Variants in SLC9A9 observed in about 807,000 individuals in gnomAD.
The protein encoded by SLC9A9 is sodium/hydrogen exchanger 9.
SLC9A9 carries 62 observed loss-of-function variants against 77.8 expected under a neutral mutation model. That is an observed-to-expected ratio of 0.80 (90% CI 0.65 to 0.98). The LOEUF is 0.98. Ranked by LOEUF, SLC9A9 falls within the 50% of genes least tolerant of loss-of-function variation. The pLI is 0.00. For missense variants in SLC9A9, 775 were observed against 774.9 expected, an observed-to-expected ratio of 1.00 and a Z score of 0.00; for synonymous variants, 320 against 283.5, an observed-to-expected ratio of 1.13 and a Z score of -1.29.
At chr3:143,561,189 A>G in intron 8 of SLC9A9, among the ~76,000 whole-genome samples, 1 of 152,226 alleles carries the variant, frequency 6.6e-6, no homozygotes, top group Non-Finnish European at 1.5e-5. Context: ...CTCAAAATAA[A>G]TAAGTAAATA....
chr3:143,761,237 C>A (rs1329953738), intron 4 of SLC9A9, among the ~76,000 whole-genome samples: 1 of 152,148 alleles, frequency 6.6e-6, no homozygotes, highest in Admixed American at 6.5e-5. Flanking sequence ...ACCATAAAAA[C>A]CCTAGAAGAA....
At chr3:143,626,197 A>C (rs1406422198) in intron 6 of SLC9A9, among the ~76,000 whole-genome samples, 8 of 152,236 alleles carry the variant, frequency 5.3e-5, no homozygotes, top group Non-Finnish European at 8.8e-5. Context: ...CCATTGTGGA[A>C]GTCAGTGTGG....
At chr3:143,305,495 C>G (rs1236912958) in intron 14 of SLC9A9, among the ~76,000 whole-genome samples, 1 of 152,208 alleles carries the variant, frequency 6.6e-6, no homozygotes, top group South Asian at 2.1e-4. Flanking sequence ...CTAGGTCTCT[C>G]TGACCTTAAA....
At chr3:143,799,812 T>C (rs759092189) in intron 2 of SLC9A9, among the ~76,000 whole-genome samples, 7 of 152,312 alleles carry the variant, frequency 4.6e-5, no homozygotes, top group Non-Finnish European at 8.8e-5. Flanking sequence ...AACACCGAGC[T>C]TCAGGTAACT....
intron 4 of SLC9A9, among the ~76,000 whole-genome samples, chr3:143,737,334 T>A (rs1934964303): frequency 6.6e-6 from 1 of 152,206 alleles, no homozygotes; most frequent in Non-Finnish European, 1.5e-5. Flanking sequence ...TTCCATTTTT[T>A]ACTATGATGT....
At chr3:143,716,968 G>A (rs987930426) in intron 4 of SLC9A9, among the ~76,000 whole-genome samples, 10 of 152,170 alleles carry the variant, frequency 6.6e-5, no homozygotes, top group Admixed American at 3.3e-4. Context: ...GCAAGGAGAC[G>A]AGGAATGGAG....
chr3:143,326,189 G>A (rs1317101769), intron 14 of SLC9A9, among the ~76,000 whole-genome samples: 1 of 151,942 alleles, frequency 6.6e-6, no homozygotes, highest in East Asian at 1.9e-4. Flanking sequence ...GATTCCTTGA[G>A]GCATCGAGGT....
intron 6 of SLC9A9, among the ~76,000 whole-genome samples, chr3:143,590,027 A>G (rs576355607): frequency 1.3e-5 from 2 of 152,338 alleles, no homozygotes; most frequent in African/African-American, 4.8e-5. Flanking sequence ...AGGGCTACTT[A>G]CAGGCCAAGA....
intron 4 of SLC9A9, among the ~76,000 whole-genome samples, chr3:143,791,972 T>C (rs1366639806): frequency 1.3e-5 from 2 of 152,242 alleles, no homozygotes; most frequent in Non-Finnish European, 2.9e-5. Context: ...CAAACAGAAG[T>C]AAAGCACGTT....
At chr3:143,737,161 A>G (rs148206947) in intron 4 of SLC9A9, among the ~76,000 whole-genome samples, 342 of 152,260 alleles carry the variant, frequency 2.2e-3, no homozygotes, top group African/African-American at 7.5e-3. Context: ...TGCTTTCTAG[A>G]TCTCTTTCGT....
At chr3:143,449,039 A>T (rs192900992) in intron 12 of SLC9A9, among the ~76,000 whole-genome samples, 1 of 20,224 alleles carries the variant, frequency 4.9e-5, no homozygotes, top group Non-Finnish European at 6.4e-5. Flanking sequence ...AATTATATAA[A>T]ATATAATTAT....
intron 6 of SLC9A9, among the ~76,000 whole-genome samples, chr3:143,601,379 C>G (rs992096840): frequency 2.0e-5 from 3 of 152,182 alleles, no homozygotes; most frequent in Non-Finnish European, 4.4e-5. Context: ...TCAACAATAT[C>G]TCATCTGCAT....
At chr3:143,572,695 T>C (rs1392073552) in intron 8 of SLC9A9, among the ~76,000 whole-genome samples, 1 of 152,220 alleles carries the variant, frequency 6.6e-6, no homozygotes, top group Non-Finnish European at 1.5e-5. Context: ...TAGTCTTGAT[T>C]ATAGTGTCAT....
chr3:143,641,598 T>C (rs2038624366), intron 6 of SLC9A9, among the ~76,000 whole-genome samples: 1 of 152,120 alleles, frequency 6.6e-6, no homozygotes, highest in Non-Finnish European at 1.5e-5. Context: ...TTTCACCATG[T>C]TAGCCAGGAT....
intron 4 of SLC9A9, among the ~76,000 whole-genome samples, chr3:143,727,025 G>A (rs1934671405): frequency 5.7e-5 from 2 of 34,890 alleles, no homozygotes; most frequent in Admixed American, 4.1e-4. Flanking sequence ...AAAGTCATTA[G>A]TAAATTGAAA....
At chr3:143,752,046 C>G (rs1288093924) in intron 4 of SLC9A9, among the ~76,000 whole-genome samples, 1 of 152,210 alleles carries the variant, frequency 6.6e-6, no homozygotes, top group South Asian at 2.1e-4. Context: ...ACACATCAAA[C>G]TCTTCAGAAA....
At chr3:143,382,660 T>C (rs2033334805) in intron 12 of SLC9A9, among the ~76,000 whole-genome samples, 1 of 152,002 alleles carries the variant, frequency 6.6e-6, no homozygotes, top group South Asian at 2.1e-4. Context: ...AAATTGGGAG[T>C]GAAAGTGACT....
chr3:143,730,188 C>A (rs1934764023), intron 4 of SLC9A9, among the ~76,000 whole-genome samples: 1 of 152,138 alleles, frequency 6.6e-6, no homozygotes, highest in Non-Finnish European at 1.5e-5. Context: ...GGAGTGTGCC[C>A]ACTTGTTGGG....
chr3:143,654,662 CA>C (rs530813678), intron 5 of SLC9A9, among the ~76,000 whole-genome samples: 2 of 151,992 alleles, frequency 1.3e-5, no homozygotes, highest in Non-Finnish European at 2.9e-5. Context: ...TTAACTAGAA[CA>C]TTCTATCATG....
Sources: allele counts gnomAD v4.1 joint callset (sites outside exome capture counted in the v4.1 genomes callset), GRCh38; gene constraint gnomAD v4.1.1; transcripts MANE v1.5; gene names NCBI Gene and HGNC (gene_info 2026-07-23, HGNC 2026-07-21).